EXOC6B: variants seen among roughly 807,000 people sequenced by gnomAD.
EXOC6B encodes SEC15 homolog B.
In EXOC6B, 54 loss-of-function variants were observed where a neutral mutation model predicts 113.5. The observed-to-expected ratio is 0.48, with a 90% CI of 0.38 to 0.60. EXOC6B has a LOEUF of 0.60. Ranked by LOEUF, EXOC6B falls within the 20% of genes least tolerant of loss-of-function variation. The pLI, the probability that EXOC6B is intolerant of heterozygous loss-of-function variation, is 0.00. For synonymous variants in EXOC6B, 357 were observed against 339.0 expected, an observed-to-expected ratio of 1.05 and a Z score of -0.58; for missense variants, 797 against 977.5, an observed-to-expected ratio of 0.82 and a Z score of 2.46.
At chr2:72,706,551 T>C (rs1199503341) in intron 6 of EXOC6B, among the ~76,000 whole-genome samples, 2 of 152,114 alleles carry the variant, frequency 1.3e-5, no homozygotes, top group South Asian at 2.1e-4. Context: ...TTTTTTTTGT[T>C]TTTTTTAGAG....
chr2:72,562,092 C>G (rs1190068074), intron 7 of EXOC6B, among the ~76,000 whole-genome samples: 2 of 152,076 alleles, frequency 1.3e-5, no homozygotes, highest in Non-Finnish European at 2.9e-5. Context: ...TGTGAGGAAC[C>G]AAGAAGAGTG....
At chr2:72,226,709 T>A (rs958020618) in intron 20 of EXOC6B, among the ~76,000 whole-genome samples, 4 of 152,248 alleles carry the variant, frequency 2.6e-5, no homozygotes, top group African/African-American at 7.2e-5. Flanking sequence ...GACTAGGTCA[T>A]AATGTCATTA....
intron 18 of EXOC6B, among the ~76,000 whole-genome samples, chr2:72,404,899 C>T (rs575367845): frequency 6.6e-6 from 1 of 152,156 alleles, no homozygotes; most frequent in South Asian, 2.1e-4. Context: ...TTCAGACGAT[C>T]AAACTACACC....
chr2:72,203,776 A>C (rs1271784328), intron 20 of EXOC6B, among the ~76,000 whole-genome samples: 1 of 152,162 alleles, frequency 6.6e-6, no homozygotes, highest in African/African-American at 2.4e-5. Context: ...TCCCCCATGC[A>C]TGTCTGTACT....
At chr2:72,213,245 A>C (rs1680306289) in intron 20 of EXOC6B, among the ~76,000 whole-genome samples, 1 of 152,244 alleles carries the variant, frequency 6.6e-6, no homozygotes, top group African/African-American at 2.4e-5. Context: ...ATCCGATTGC[A>C]ACCTCATGAG....
At chr2:72,671,787 GAAAGAA>G (rs769024780) in intron 6 of EXOC6B, among the ~76,000 whole-genome samples, 2 of 104,850 alleles carry the variant, frequency 1.9e-5, no homozygotes, top group African/African-American at 9.9e-5. Flanking sequence ...AAGAAAGAAA[GAAAGAA>G]AGAAAGAAAG....
chr2:72,350,733 G>C (rs1272609968), intron 19 of EXOC6B, among the ~76,000 whole-genome samples: 1 of 152,156 alleles, frequency 6.6e-6, no homozygotes, highest in Non-Finnish European at 1.5e-5. Flanking sequence ...GAACTCTTAG[G>C]TACTGCTGAG....
At chr2:72,501,674 C>T (rs1180976949) in intron 11 of EXOC6B, among the ~76,000 whole-genome samples, 1 of 150,250 alleles carries the variant, frequency 6.7e-6, no homozygotes, top group Non-Finnish European at 1.5e-5. Flanking sequence ...TCCTTTTTGC[C>T]CATTATTTAC....
At chr2:72,810,379 AT>A (rs1292988192) in intron 1 of EXOC6B, among the ~76,000 whole-genome samples, 55 of 146,800 alleles carry the variant, frequency 3.7e-4, no homozygotes, top group South Asian at 1.3e-3. Context: ...AAATAAATAA[AT>A]AAATAAAATA....
chr2:72,329,349 T>G (rs1688307242), intron 20 of EXOC6B, among the ~76,000 whole-genome samples: 1 of 152,044 alleles, frequency 6.6e-6, no homozygotes, highest in Non-Finnish European at 1.5e-5. Context: ...TCTCTGACCT[T>G]TTGAGATATG....
intron 20 of EXOC6B, among the ~76,000 whole-genome samples, chr2:72,248,507 G>T (rs1682808558): frequency 6.6e-6 from 1 of 152,090 alleles, no homozygotes; most frequent in South Asian, 2.1e-4. Flanking sequence ...ATCTGAAATT[G>T]ATTCAGCTTC....
chr2:72,491,479 C>T (rs575810935), intron 16 of EXOC6B, among the ~76,000 whole-genome samples: 1 of 152,178 alleles, frequency 6.6e-6, no homozygotes, highest in South Asian at 2.1e-4. Flanking sequence ...CAAACTGCAC[C>T]ACCTCTATAG....
chr2:72,422,636 A>T (rs1694963297), intron 18 of EXOC6B, among the ~76,000 whole-genome samples: 1 of 151,340 alleles, frequency 6.6e-6, no homozygotes, highest in African/African-American at 2.4e-5. Flanking sequence ...ACCAATCGAC[A>T]CTCTGTATCT....
chr2:72,455,644 G>C (rs17008186), intron 18 of EXOC6B, among the ~76,000 whole-genome samples: 33,638 of 152,036 alleles, frequency 0.22, 6,074 homozygotes, highest in African/African-American at 0.5. Flanking sequence ...TAATGTGTAA[G>C]CTAATCTAAT....
At chr2:72,209,376 A>G (rs1346891143) in intron 20 of EXOC6B, among the ~76,000 whole-genome samples, 5 of 152,098 alleles carry the variant, frequency 3.3e-5, no homozygotes, top group East Asian at 1.9e-4. Flanking sequence ...TCCTGCTCCA[A>G]TAAAATCTTC....
At chr2:72,544,543 A>G (rs962345691) in intron 8 of EXOC6B, among the ~76,000 whole-genome samples, 12 of 152,116 alleles carry the variant, frequency 7.9e-5, no homozygotes, top group Non-Finnish European at 1.5e-4. Context: ...GCTTGCTTCA[A>G]TAAAGTTTAA....
intron 6 of EXOC6B, among the ~76,000 whole-genome samples, chr2:72,714,162 T>G (rs1169339255): frequency 6.6e-6 from 1 of 152,136 alleles, no homozygotes; most frequent in Non-Finnish European, 1.5e-5. Context: ...GATTTTAGAG[T>G]TTGTCTGTTA....
rs1686890388 is a variant in EXOC6B, at chr2:72,825,995, TC to T, written c.-86del. ...CCACAATGCCGCTCCCACCACAGGC[TC>T]CACAGCCGCCCCAGCCTCTGGCTAC... On this transcript the variant is annotated 5_prime_UTR_variant, in exon 1 of 22. Transcript: ENST00000272427. The surrounding 1 kb of genome is among the most constrained non-coding windows in gnomAD (Gnocchi z 4.4). The T allele has an allele frequency of 6.5e-7, 1 of 1,528,916 alleles. No homozygotes were observed. Among genetic ancestry groups the T allele is most frequent in the East Asian group, 2.4e-5 (1 of 41,238 alleles). 94.7% of individuals were successfully genotyped at this position (1,528,916 alleles called of 1,614,324 possible).
chr2:72,819,560 T>C (rs1321368594), intron 1 of EXOC6B, among the ~76,000 whole-genome samples: 1 of 152,130 alleles, frequency 6.6e-6, no homozygotes, highest in African/African-American at 2.4e-5. Context: ...ATAAGTATTA[T>C]ATCCCTTAGA....
Sources: gnomAD v4.1 joint callset for allele counts (sites outside exome capture counted in the v4.1 genomes callset) on GRCh38, gnomAD v4.1.1 for gene constraint, Gnocchi (gnomAD v3.1) non-coding constraint, MANE v1.5 for transcripts, NCBI Gene and HGNC (gene_info 2026-07-23, HGNC 2026-07-21) for gene names.